Variants in ADGRV1 observed in about 807,000 individuals in gnomAD.
The protein encoded by ADGRV1 is G-protein coupled receptor 98.
In ADGRV1, 359 loss-of-function variants were observed where a neutral mutation model predicts 596.2. That is an observed-to-expected ratio of 0.60 (90% CI 0.55 to 0.66). The LOEUF (loss-of-function observed/expected upper bound fraction) is 0.66, where lower values mean the gene tolerates loss of function less well. ADGRV1 is among the 30% of genes least tolerant of loss of function. The pLI is 0.00. For synonymous variants in ADGRV1, 2,681 were observed against 2,679.2 expected (o/e 1.00, Z -0.02); for missense variants, 7,274 against 7,575.6 (o/e 0.96, Z 1.48).
Position 90,756,529 on chromosome 5 carries a change from A to G in ADGRV1, c.11656A>G (p.Thr3886Ala), listed in dbSNP as rs764520472. 6.2e-7 allele frequency: 1 copy of G among 1,613,038 alleles called. No homozygotes were observed. Residue 3886 changes from threonine (T) to alanine (A), a missense_variant, in exon 56 of 90, where the codon ACA becomes GCA. Transcript: ENST00000405460. Reference sequence around the variant, plus strand: ...GAACCTGGTGAACTCTGACTTCTCTACAGGACAGCCAAGTGTGCGGAGGCC... The same window carrying G: ...GAACCTGGTGAACTCTGACTTCTCTGCAGGACAGCCAAGTGTGCGGAGGCC... Reference protein sequence around the residue: ...EVNLVNSDFSTGQPSVRRPGM... With the variant: ...EVNLVNSDFSAGQPSVRRPGM...
chr5:91,069,572 C>T (rs1207795414), intron 85 of ADGRV1, among the ~76,000 whole-genome samples: 2 of 152,102 alleles, frequency 1.3e-5, no homozygotes. Context: ...CCATTTCACA[C>T]CTGTCAGAAT....
intron 85 of ADGRV1, among the ~76,000 whole-genome samples, chr5:91,045,454 C>G (rs1180518077): frequency 1.3e-5 from 2 of 152,132 alleles, no homozygotes; most frequent in African/African-American, 4.8e-5. Flanking sequence ...ATCCCCTCAA[C>G]AGATGCAGAA....
intron 83 of ADGRV1, among the ~76,000 whole-genome samples, chr5:90,906,225 G>A (rs1364479780): frequency 6.6e-6 from 1 of 152,048 alleles, no homozygotes; most frequent in Non-Finnish European, 1.5e-5. Context: ...TTGGTATCAG[G>A]GTAATATTGG....
intron 85 of ADGRV1, among the ~76,000 whole-genome samples, chr5:91,020,271 G>A (rs982038661): frequency 2.0e-5 from 3 of 151,862 alleles, no homozygotes; most frequent in Non-Finnish European, 2.9e-5. Flanking sequence ...ACATGTGTCC[G>A]GTTCCATTTC....
chr5:90,684,796 G>T (rs1251017003), intron 28 of ADGRV1, among the ~76,000 whole-genome samples: 1 of 152,120 alleles, frequency 6.6e-6, no homozygotes, highest in Non-Finnish European at 1.5e-5. Flanking sequence ...TGAGGCAGGA[G>T]AACACAAACC....
In ADGRV1 at chr5:91,035,861, T is replaced by TATAATATATATATATATATATATATA; in HGVS notation, c.18153-36586_18153-36585insATAATATATATATATATATATATATA. 8.9e-3 allele frequency among the ~76,000 whole-genome samples: 860 copies of TATAATATATATATATATATATATATA among 96,192 alleles called. 59 individuals carry two copies. The highest frequency in any genetic ancestry group is 0.014 in the Non-Finnish European group (654 of 45,934). 63.1% of individuals were successfully genotyped at this position (96,192 alleles called of 152,430 possible). The stretch of plus-strand genomic sequence containing the variant: ...ATGAGTGTGTATATATATATATATA[T>TATAATATATATATATATATATATATA]TATATATATATATATATATATCTTA... On this transcript the variant is annotated intron_variant, in intron 85 of 89. Coordinates refer to ENST00000405460, the MANE Select transcript of ADGRV1 (RefSeq NM_032119.4).
At chr5:90,782,279 T>G (rs1316635358) in intron 65 of ADGRV1, among the ~76,000 whole-genome samples, 1 of 152,166 alleles carries the variant, frequency 6.6e-6, no homozygotes, top group East Asian at 1.9e-4. Context: ...TAGGAGTTGG[T>G]TTATAATGAG....
In ADGRV1 at chr5:90,644,729, C is replaced by T. The variant is rs1016685696; in HGVS notation, c.2758C>T (p.Arg920Ter). The T allele has an allele frequency of 1.9e-6, 3 of 1,609,044 alleles. No individual in the cohort carries two copies. The highest frequency in any genetic ancestry group is 2.5e-6 in the Non-Finnish European group (3 of 1,178,450). Reference protein sequence around the residue: ...YSAVYDVVRNRGNFGDVSVSW... With the variant: ...YSAVYDVVRN ...AGCTGTTTATGATGTAGTAAGAAAT[C>T]GAGGCAACTTTGGTGATGTTAGTGT... Residue 920 changes from arginine to a stop codon, truncating the protein, a stop_gained, in exon 15 of 90, where the codon CGA becomes TGA. Coordinates refer to ENST00000405460, the MANE Select transcript of ADGRV1 (RefSeq NM_032119.4). LOFTEE classifies it high-confidence loss of function.
At chr5:90,731,209 A>G (rs1171041378) in intron 50 of ADGRV1, among the ~76,000 whole-genome samples, 1 of 152,158 alleles carries the variant, frequency 6.6e-6, no homozygotes, top group East Asian at 1.9e-4. Context: ...TCATGGCAGA[A>G]GGGTGAAGGG....
At chr5:90,985,578 G>A (rs1225955893) in intron 85 of ADGRV1, 56 bp downstream of exon 85, 15 of 1,355,082 alleles carry the variant, frequency 1.1e-5, no homozygotes, top group Middle Eastern at 1.8e-4. Flanking sequence ...AGCAGATTTC[G>A]TTGCCATAAG....
intron 85 of ADGRV1, among the ~76,000 whole-genome samples, chr5:91,026,868 G>A (rs982269912): frequency 6.6e-6 from 1 of 152,054 alleles, no homozygotes. Context: ...CTAGGTTGGT[G>A]CAGTGGCTCA....
intron 89 of ADGRV1, among the ~76,000 whole-genome samples, chr5:91,158,015 T>A (rs549225427): frequency 1.4e-4 from 21 of 152,352 alleles, no homozygotes; most frequent in Non-Finnish European, 2.5e-4. Context: ...GCCAAATCGT[T>A]AACCACCTCT....
intron 85 of ADGRV1, among the ~76,000 whole-genome samples, chr5:91,070,178 G>A (rs901501668): frequency 1.3e-5 from 2 of 152,100 alleles, no homozygotes; most frequent in Non-Finnish European, 2.9e-5. Context: ...GGGTGATGGG[G>A]TCATTCATGT....
At chr5:90,644,283 T>C (rs1364915602) in intron 14 of ADGRV1, among the ~76,000 whole-genome samples, 1 of 152,212 alleles carries the variant, frequency 6.6e-6, no homozygotes, top group Non-Finnish European at 1.5e-5. Flanking sequence ...TAAGAACTAC[T>C]GCTACGGAAC....
rs1479979784 is a variant in ADGRV1, at chr5:90,822,612, G to T, written c.16197-813G>T. On this transcript the variant is annotated intron_variant, in intron 75 of 89. Coordinates refer to ENST00000405460, the MANE Select transcript of ADGRV1 (RefSeq NM_032119.4). Reference sequence around the variant, plus strand: ...GCTTAGGACTGACTCGGCGATGCGGGCTCTTTTTTGGTTCCATATGAACTT... The same window carrying T: ...GCTTAGGACTGACTCGGCGATGCGGTCTCTTTTTTGGTTCCATATGAACTT... Among the ~76,000 whole-genome samples the T allele has an allele frequency of 2.0e-5, 3 of 152,296 alleles. No homozygotes were observed. In the Middle Eastern group the frequency reaches 0.01, roughly 518 times the overall value.
At chr5:90,582,115 T>G (rs1432249123) in intron 1 of ADGRV1, among the ~76,000 whole-genome samples, 2 of 151,900 alleles carry the variant, frequency 1.3e-5, no homozygotes, top group Non-Finnish European at 2.9e-5. Flanking sequence ...ATGTGTTTTT[T>G]TTTTTTTTTT....
intron 83 of ADGRV1, among the ~76,000 whole-genome samples, chr5:90,940,089 G>A (rs1776043949): frequency 6.6e-6 from 1 of 152,130 alleles, no homozygotes; most frequent in Non-Finnish European, 1.5e-5. Context: ...TTCTTCTGAA[G>A]AACTGTTCCT....
At chr5:90,946,652 C>G (rs1776603361) in intron 83 of ADGRV1, among the ~76,000 whole-genome samples, 2 of 152,090 alleles carry the variant, frequency 1.3e-5, no homozygotes, top group Middle Eastern at 3.4e-3. Flanking sequence ...GTGTGTTGTT[C>G]CCCTCCCTGT....
At chr5:90,742,890 T>TGGGTG (rs1754137723) in intron 50 of ADGRV1, among the ~76,000 whole-genome samples, 1 of 152,164 alleles carries the variant, frequency 6.6e-6, no homozygotes, top group South Asian at 2.1e-4. Flanking sequence ...CTGCAACTGG[T>TGGGTG]GGGTGAATGG....
Sources: gnomAD v4.1 joint callset for allele counts (sites outside exome capture counted in the v4.1 genomes callset) on GRCh38, gnomAD v4.1.1 for gene constraint, MANE v1.5 for transcripts, NCBI Gene and HGNC (gene_info 2026-07-23, HGNC 2026-07-21) for gene names.